SPNS2: variants seen among roughly 807,000 people sequenced by gnomAD.
SPNS2 encodes SPNS lysolipid transporter 2, sphingosine-1-phosphate, also known as sphingosine-1-phosphate transporter SPNS2.
Under a neutral mutation model 57.6 loss-of-function variants are expected in SPNS2, and 37 were observed. That is an observed-to-expected ratio of 0.64 (90% CI 0.49 to 0.85). SPNS2 has a LOEUF of 0.85. Ranked by LOEUF, SPNS2 falls within the 40% of genes least tolerant of loss-of-function variation. The pLI, the probability that SPNS2 is intolerant of heterozygous loss-of-function variation, is 0.00. For missense variants in SPNS2, 831 were observed against 779.1 expected, an observed-to-expected ratio of 1.07 and a Z score of -0.79; for synonymous variants, 440 against 346.9, an observed-to-expected ratio of 1.27 and a Z score of -2.98.
chr17:4,537,387 G>A lies in SPNS2; in HGVS notation c.*5-66G>A, dbSNP rs1281175532. ...TCTCCAAACAGCAAGAAAAGGGAAG[G>A]AGGGAGGGCAGCCTTGGCACAGGCC... On this transcript the variant is annotated intron_variant, in intron 12 of 12. Transcript: ENST00000329078. 1.3e-5 allele frequency: 5 copies of A among 398,420 alleles called. No individual in the cohort carries two copies. In the East Asian group the frequency reaches 3.5e-4, roughly 28 times the overall value. The allele number at this position is 398,420 out of a possible 1,614,324, so 24.7% of individuals were successfully genotyped here.
In SPNS2 at chr17:4,532,589, G is replaced by T. The variant is rs1038591410; in HGVS notation, c.840G>T (p.Leu280=). ...GMITGTLILI[L]VPATKRGHAD... ...TCACAGGAACACTCATCCTCATTCT[G>T]GTCCCAGCCACTAAAAGGGGTCATG... The change falls in exon 6 of 13, where the codon CTG becomes CTT. Residue 280 remains leucine (L), a synonymous_variant. Coordinates refer to ENST00000329078, the MANE Select transcript of SPNS2 (RefSeq NM_001124758.3). The T allele has an allele frequency of 3.7e-6, 6 of 1,613,938 alleles. No individual in the cohort carries two copies. Among genetic ancestry groups the T allele is most frequent in the Non-Finnish European group, 5.1e-6 (6 of 1,180,028 alleles).
rs1052952832 is a variant in SPNS2, at chr17:4,512,807, C to T, written c.371-440C>T. 2.0e-5 allele frequency among the ~76,000 whole-genome samples: 3 copies of T among 151,146 alleles called. No homozygotes were observed. The highest frequency in any genetic ancestry group is 6.6e-5 in the Admixed American group (1 of 15,214). On this transcript the variant is annotated intron_variant, in intron 1 of 12. Coordinates refer to ENST00000329078, the MANE Select transcript of SPNS2 (RefSeq NM_001124758.3). This position sits in a 1 kb window ranked among gnomAD's most constrained non-coding sequence, Gnocchi z 5.2. ...ACATGTGCAGGTGAACCAGAGTGAG[C>T]GGCTGCCCCTCCCAGGCCAGAGGGC...
intron 2 of SPNS2, among the ~76,000 whole-genome samples, chr17:4,520,466 C>T (rs1280005013): frequency 1.3e-5 from 2 of 152,096 alleles, no homozygotes; most frequent in African/African-American, 2.4e-5. Flanking sequence ...GGGGCTTTTT[C>T]AAGGATCCTA....
chr17:4,538,752 A>T lies in SPNS2; in HGVS notation c.*1304A>T. 1 of 714,362 alleles carries T rather than the reference A, an allele frequency of 1.4e-6. No homozygotes were observed. The highest frequency in any genetic ancestry group is 2.2e-5 in the Admixed American group (1 of 44,726). The allele number at this position is 714,362 out of a possible 1,614,324, so 44.3% of individuals were successfully genotyped here. ...GCTTCAGTGGTGTGTAAGCAGGTGG[A>T]ATACTCACCCACCAAGCTCTGGGGT... On this transcript the variant is annotated 3_prime_UTR_variant, in exon 13 of 13. Coordinates refer to ENST00000329078, the MANE Select transcript of SPNS2 (RefSeq NM_001124758.3).
At chr17:4,535,603 G>A (rs1271495155) in intron 9 of SPNS2, among the ~76,000 whole-genome samples, 1 of 151,840 alleles carries the variant, frequency 6.6e-6, no homozygotes, top group Non-Finnish European at 1.5e-5. Flanking sequence ...GGTACTCCGA[G>A]GCTCGGAGGG....
At position 4,517,475 on chromosome 17, in the gene SPNS2, A is replaced by G. The variant is rs528160668; in HGVS notation, c.436+4163A>G. Among the ~76,000 whole-genome samples, 4 of 152,306 alleles carry G rather than the reference A, an allele frequency of 2.6e-5. No homozygotes were observed. In the South Asian group the frequency reaches 8.3e-4, roughly 32 times the overall value. On this transcript the variant is annotated intron_variant, in intron 2 of 12. Transcript: ENST00000329078. Reference sequence around the variant, plus strand: ...CAGTTTGAGACCAGCCTGAACCAACATGGTGAACCCCATCTCTACTAAAAT... The same window carrying G: ...CAGTTTGAGACCAGCCTGAACCAACGTGGTGAACCCCATCTCTACTAAAAT...
rs373786109 is a variant in SPNS2 at position 4,511,628 on chromosome 17, C to T, written c.371-1619C>T. ...CTGCCATCCACAGGCCTAGGATTGG[C>T]CCCGGCTTCTACCTTCAAGGCAAAG... On this transcript the variant is annotated intron_variant, in intron 1 of 12. Coordinates refer to ENST00000329078, the MANE Select transcript of SPNS2 (RefSeq NM_001124758.3). This position sits in a 1 kb window ranked among gnomAD's most constrained non-coding sequence, Gnocchi z 4.6. 7.2e-5 allele frequency among the ~76,000 whole-genome samples: 11 copies of T among 152,298 alleles called. No homozygotes were observed. The highest frequency in any genetic ancestry group is 2.6e-4 in the African/African-American group (11 of 41,562).
rs1480413942 is a variant in SPNS2 at position 4,511,886 on chromosome 17, C to A, written c.371-1361C>A. Among the ~76,000 whole-genome samples the A allele has an allele frequency of 1.3e-5, 2 of 152,172 alleles. No individual in the cohort carries two copies. Among genetic ancestry groups the A allele is most frequent in the African/African-American group, 4.8e-5 (2 of 41,440 alleles). The stretch of plus-strand genomic sequence containing the variant: ...TTCCAGCCTCCCCACTCCTTCCACA[C>A]CCCCAGTCCCAGCTGCCAGCAGGAT... On this transcript the variant is annotated intron_variant, in intron 1 of 12. Transcript: ENST00000329078. The surrounding 1 kb of genome is among the most constrained non-coding windows in gnomAD (Gnocchi z 4.6).
intron 9 of SPNS2, chr17:4,534,249 C>G (rs958391706): frequency 3.6e-6 from 1 of 274,102 alleles, no homozygotes; most frequent in Admixed American, 4.5e-5. Context: ...GCGGCTGGGG[C>G]TGGGCGGACA....
rs1351949645 is a variant in SPNS2 at position 4,511,849 on chromosome 17, G to A, written c.371-1398G>A. Among the ~76,000 whole-genome samples, 1 of 152,182 alleles carries A rather than the reference G, an allele frequency of 6.6e-6. No homozygotes were observed. The highest frequency in any genetic ancestry group is 1.5e-5 in the Non-Finnish European group (1 of 68,026). Reference sequence around the variant, plus strand: ...CAGGATTCCAACCTGGGTCTCGGAAGGGACAGTGACGTTCCAGCCTCCCCA... The same window carrying A: ...CAGGATTCCAACCTGGGTCTCGGAAAGGACAGTGACGTTCCAGCCTCCCCA... On this transcript the variant is annotated intron_variant, in intron 1 of 12. Coordinates refer to ENST00000329078, the MANE Select transcript of SPNS2 (RefSeq NM_001124758.3). The surrounding 1 kb of genome is among the most constrained non-coding windows in gnomAD (Gnocchi z 4.6).
At chr17:4,534,859 C>A (rs904789400) in intron 9 of SPNS2, among the ~76,000 whole-genome samples, 1 of 152,076 alleles carries the variant, frequency 6.6e-6, no homozygotes, top group African/African-American at 2.4e-5. Context: ...CTGGGCAGGA[C>A]CCCCTCTCCT....
At position 4,533,349 on chromosome 17, in the gene SPNS2, G is replaced by C. The variant is rs749467331; in HGVS notation, c.1195G>C (p.Val399Leu). The change falls in exon 8 of 13, where the codon GTG becomes CTG. Residue 399 changes from valine (V) to leucine (L), a missense_variant. Physicochemically the swap from Val to Leu is conservative, Grantham distance 32. Transcript: ENST00000329078. ...GAAGACCCAGCGGGCCGACCCACTGGTGTGTGCCGTGGGCATGCTGGGCTC... is the reference window on the plus strand; with the variant it reads ...GAAGACCCAGCGGGCCGACCCACTGCTGTGTGCCGTGGGCATGCTGGGCTC... ...RLKTQRADPL[V>L]CAVGMLGSAI... is the part of the protein sequence containing the mutation. 22 of 1,611,806 alleles carry C rather than the reference G, an allele frequency of 1.4e-5. No individual in the cohort carries two copies. In the African/African-American group the frequency reaches 1.9e-4, roughly 14 times the overall value.
intron 1 of SPNS2, among the ~76,000 whole-genome samples, chr17:4,508,225 T>G (rs1395765885): frequency 6.6e-6 from 1 of 152,132 alleles, no homozygotes; most frequent in East Asian, 1.9e-4. Flanking sequence ...TAGAGAGGGA[T>G]AGCCTAGGAA....
chr17:4,528,431 G>A (rs573023248), intron 3 of SPNS2, among the ~76,000 whole-genome samples: 48 of 152,236 alleles, frequency 3.2e-4, no homozygotes, highest in Non-Finnish European at 5.0e-4. Context: ...GATAAGATGC[G>A]TGGAGGGTTT....
At chr17:4,509,274 A>G (rs1026501516) in intron 1 of SPNS2, among the ~76,000 whole-genome samples, 1 of 152,154 alleles carries the variant, frequency 6.6e-6, no homozygotes, top group African/African-American at 2.4e-5. Flanking sequence ...GGGAAGGGAA[A>G]GAACTCTCCA....
At position 4,537,309 on chromosome 17, in the gene SPNS2, C is replaced by G. The variant is rs564293103; in HGVS notation, c.*5-144C>G. 3.8e-5 allele frequency: 16 copies of G among 422,596 alleles called. No homozygotes were observed. The Admixed American group carries it at 5.2e-4, about 14-fold the overall frequency. 26.2% of individuals were successfully genotyped at this position (422,596 alleles called of 1,614,324 possible). ...CCCTTCCCTCTGGGAGTTATAGCTT[C>G]CCAGCAGCACGAGACCCAGGGTCAC... On this transcript the variant is annotated intron_variant, in intron 12 of 12. Coordinates refer to ENST00000329078, the MANE Select transcript of SPNS2 (RefSeq NM_001124758.3).
intron 1 of SPNS2, among the ~76,000 whole-genome samples, chr17:4,505,080 T>G (rs1904637791): frequency 6.6e-6 from 1 of 152,192 alleles, no homozygotes; most frequent in South Asian, 2.1e-4. Context: ...TCTCCAGTGC[T>G]CTGGGTTGAA....
Position 4,536,945 on chromosome 17 carries a change from T to C in SPNS2, c.*3T>C, listed in dbSNP as rs750307422. The C allele has an allele frequency of 1.2e-6, 2 of 1,612,792 alleles. No homozygotes were observed. The highest frequency in any genetic ancestry group is 1.7e-6 in the Non-Finnish European group (2 of 1,179,488). Reference sequence around the variant, plus strand: ...CGCCCGCATCTGTGAAAGTCTGAGGTGGTGAGTGCAGGCCGGGAGGCACGT... The same window carrying C: ...CGCCCGCATCTGTGAAAGTCTGAGGCGGTGAGTGCAGGCCGGGAGGCACGT... On this transcript the variant is annotated splice_region_variant and 3_prime_UTR_variant, in exon 12 of 13. Transcript: ENST00000329078.
chr17:4,516,308 T>C (rs1904984943), intron 2 of SPNS2, among the ~76,000 whole-genome samples: 1 of 102,596 alleles, frequency 9.7e-6, no homozygotes. Flanking sequence ...AGTGAGACTC[T>C]ATCTCCCCAA....
Sources: allele counts gnomAD v4.1 joint callset (sites outside exome capture counted in the v4.1 genomes callset), GRCh38; gene constraint gnomAD v4.1.1; non-coding constraint Gnocchi (gnomAD v3.1); transcripts MANE v1.5; gene names NCBI Gene and HGNC (gene_info 2026-07-23, HGNC 2026-07-21).